The following RASA2 variants were observed in gnomAD, a reference collection of about 807,000 sequenced individuals.
RASA2 encodes the protein ras GTPase-activating protein 2.
A neutral mutation model predicts 118.2 loss-of-function variants in RASA2; 155 were observed. The observed-to-expected ratio is 1.31, with a 90% CI of 1.15 to 1.50. The LOEUF (loss-of-function observed/expected upper bound fraction) is 1.50, where lower values mean the gene tolerates loss of function less well. Among genes scored for constraint, RASA2 ranks in the 40% most tolerant of loss-of-function variants. The probability of loss-of-function intolerance (pLI) is 0.00; values close to 1 mark genes in which losing one functional copy is unlikely to be tolerated. For missense variants in RASA2, 1,016 were observed against 1,009.6 expected (o/e 1.01, Z -0.09); for synonymous variants, 353 against 349.1 (o/e 1.01, Z -0.12).
rs1409109660 is a variant in RASA2, at chr3:141,559,957, T to C, written c.825T>C (p.Pro275=). The change falls in exon 9 of 24, where the codon CCT becomes CCC. Residue 275 remains proline (P), a synonymous_variant. Transcript: ENST00000286364. ...TTTTCCTAGGTGAGATTAAGGTTCCTGTGAACGTATTAAGAACTGATTCCT... is the reference window on the plus strand; with the variant it reads ...TTTTCCTAGGTGAGATTAAGGTTCCCGTGAACGTATTAAGAACTGATTCCT... ...QDVFLGEIKV[P]VNVLRTDSSH... is the part of the protein sequence containing the mutation. The C allele has an allele frequency of 1.9e-6, 3 of 1,613,302 alleles. No homozygotes were observed. In the Admixed American group the frequency reaches 5.0e-5, roughly 27 times the overall value.
chr3:141,510,055 C>T (rs1032593511), intron 1 of RASA2, among the ~76,000 whole-genome samples: 1 of 152,054 alleles, frequency 6.6e-6, no homozygotes, highest in African/African-American at 2.4e-5. Flanking sequence ...AATGTGTTTA[C>T]TGAGTTTTTT....
At chr3:141,524,617 G>T (rs1293517280) in intron 3 of RASA2, among the ~76,000 whole-genome samples, 1 of 151,932 alleles carries the variant, frequency 6.6e-6, no homozygotes, top group African/African-American at 2.4e-5. Context: ...ATGGAGTCTT[G>T]CTCTGTCGCC....
At chr3:141,531,514 TG>T (rs927675828) in intron 4 of RASA2, among the ~76,000 whole-genome samples, 111 of 151,730 alleles carry the variant, frequency 7.3e-4, no homozygotes, top group African/African-American at 2.4e-3. Context: ...TACATACACA[TG>T]GGTATGCATA....
chr3:141,551,413 G>T, intron 5 of RASA2, among the ~76,000 whole-genome samples: 1 of 152,118 alleles, frequency 6.6e-6, no homozygotes. Flanking sequence ...TTTTCAAATG[G>T]TTCTTTCCCC....
chr3:141,508,815 A>T (rs998088110), intron 1 of RASA2, among the ~76,000 whole-genome samples: 18 of 143,686 alleles, frequency 1.3e-4, no homozygotes, highest in Non-Finnish European at 2.3e-4. Context: ...TTGGCAATGG[A>T]TTTTTTTTTT....
chr3:141,564,710 A>G (rs1447080725), intron 9 of RASA2, among the ~76,000 whole-genome samples: 3 of 152,226 alleles, frequency 2.0e-5, no homozygotes, highest in Non-Finnish European at 2.9e-5. Context: ...ACAGTGAAAG[A>G]TATAGATGAA....
In RASA2 at chr3:141,493,531, G is replaced by T. The variant is rs1048691179; in HGVS notation, c.133+6315G>T. ...GGGGTGATGTTGGGCAGCTAGGATA[G>T]TGAATTTCTGCTTTTGTCACAAATA... is the stretch of plus-strand genomic sequence containing the variant. On this transcript the variant is annotated intron_variant, in intron 1 of 23. Transcript: ENST00000286364. Among the ~76,000 whole-genome samples, 3 of 152,156 alleles carry T rather than the reference G, an allele frequency of 2.0e-5. No homozygotes were observed. In the South Asian group the frequency reaches 6.2e-4, roughly 31 times the overall value.
At chr3:141,602,899 AG>A (rs1364301215) in intron 19 of RASA2, among the ~76,000 whole-genome samples, 31 of 152,228 alleles carry the variant, frequency 2.0e-4, no homozygotes, top group African/African-American at 6.8e-4. Context: ...GTTAGCAGTC[AG>A]GCAGGGATCT....
intron 3 of RASA2, among the ~76,000 whole-genome samples, chr3:141,517,891 G>A (rs1404795935): frequency 1.3e-5 from 2 of 151,826 alleles, no homozygotes; most frequent in African/African-American, 2.4e-5. Context: ...TCCTGACCTC[G>A]TGATCTGCCC....
intron 1 of RASA2, among the ~76,000 whole-genome samples, chr3:141,509,088 A>G (rs2081911774): frequency 6.6e-6 from 1 of 152,190 alleles, no homozygotes; most frequent in Non-Finnish European, 1.5e-5. Context: ...AATCACTACT[A>G]TAGTTTGGAG....
chr3:141,494,316 G>A (rs1559987229), intron 1 of RASA2, among the ~76,000 whole-genome samples: 1 of 152,230 alleles, frequency 6.6e-6, no homozygotes, highest in East Asian at 1.9e-4. Flanking sequence ...CCCACGTAGG[G>A]TGTATTTTAA....
chr3:141,546,060 A>T (rs1388389499), intron 5 of RASA2, among the ~76,000 whole-genome samples: 1 of 152,092 alleles, frequency 6.6e-6, no homozygotes. Context: ...ACTGAAAAGT[A>T]CTCCATTATG....
intron 4 of RASA2, among the ~76,000 whole-genome samples, chr3:141,534,633 A>C (rs2082303598): frequency 6.6e-6 from 1 of 152,080 alleles, no homozygotes; most frequent in East Asian, 1.9e-4. Flanking sequence ...GTTTAAAAAG[A>C]CATTTAAAAA....
intron 6 of RASA2, among the ~76,000 whole-genome samples, chr3:141,554,177 A>G (rs1418859327): frequency 1.3e-5 from 2 of 152,226 alleles, no homozygotes; most frequent in Non-Finnish European, 1.5e-5. Context: ...GCTTTAAGGA[A>G]CAACTTCAGT....
Position 141,512,205 on chromosome 3 carries a change from T to C in RASA2, c.176T>C (p.Met59Thr), listed in dbSNP as rs2081962054. ...TTGCCATATCTTGGACCCCACAAAATGAGAGATTGTTTCTGTACCATAAAT... is the reference window on the plus strand; with the variant it reads ...TTGCCATATCTTGGACCCCACAAAACGAGAGATTGTTTCTGTACCATAAAT... ...NLLPYLGPHK[M>T]RDCFCTINLD... Residue 59 changes from methionine (M) to threonine (T), a missense_variant, in exon 2 of 24, where the codon ATG becomes ACG. By Grantham distance (81) the Met-to-Thr change is moderately conservative. This residue lies in a region of RASA2 where 896 missense variants were observed against 836.4 expected (regional missense o/e 1.07). Coordinates refer to ENST00000286364, the MANE Select transcript of RASA2 (RefSeq NM_006506.5). The C allele has an allele frequency of 1.2e-6, 2 of 1,605,670 alleles. No individual in the cohort carries two copies. Among genetic ancestry groups the C allele is most frequent in the Non-Finnish European group, 1.7e-6 (2 of 1,177,872 alleles).
intron 9 of RASA2, 54 bp from the exon 10 acceptor site, chr3:141,570,858 T>C: frequency 6.6e-7 from 1 of 1,515,330 alleles, no homozygotes; most frequent in South Asian, 1.2e-5. Flanking sequence ...TTAACTTGCC[T>C]CATTGGCTTG....
At chr3:141,572,029 C>CATATATAT (rs10568210) in intron 11 of RASA2, among the ~76,000 whole-genome samples, 1,234 of 121,338 alleles carry the variant, frequency 0.01, 10 homozygotes, top group Non-Finnish European at 0.016. Context: ...TTTAAAAAAA[C>CATATATAT]ATATATATAT....
At chr3:141,592,063 C>G (rs1183447818) in intron 19 of RASA2, among the ~76,000 whole-genome samples, 2 of 151,210 alleles carry the variant, frequency 1.3e-5, no homozygotes, top group African/African-American at 4.9e-5. Context: ...AGACAATAAA[C>G]AGTAAAAAAA....
intron 1 of RASA2, among the ~76,000 whole-genome samples, chr3:141,511,665 A>T (rs766940901): frequency 7.9e-5 from 12 of 152,096 alleles, no homozygotes; most frequent in Non-Finnish European, 1.8e-4. Context: ...AGCTGATTGG[A>T]GAGGGTTGAA....
Sources: gnomAD v4.1 joint callset for allele counts (sites outside exome capture counted in the v4.1 genomes callset) on GRCh38, gnomAD v4.1.1 for gene constraint, gnomAD v4.1.1 regional missense constraint, MANE v1.5 for transcripts, NCBI Gene and HGNC (gene_info 2026-07-23, HGNC 2026-07-21) for gene names.